Variants in ACTL6A observed in about 807,000 individuals in gnomAD.
ACTL6A encodes actin like 6A, also known as actin-like protein 6A.
Under a neutral mutation model 59.2 loss-of-function variants are expected in ACTL6A, and 5 were observed. That is an observed-to-expected ratio of 0.08 (90% CI 0.04 to 0.18). The LOEUF is 0.18. Among genes scored for constraint, ACTL6A ranks in the 10% least tolerant of loss-of-function variants. ACTL6A has a pLI of 1.00. For synonymous variants in ACTL6A, 154 were observed against 171.8 expected (o/e 0.90, Z 0.81); for missense variants, 285 against 526.9 (o/e 0.54, Z 4.49).
Position 179,576,199 on chromosome 3 carries a change from C to T in ACTL6A, c.477-18C>T. ...TTAGCGGCCTTGATACTTTCTTTTC[C>T]TTAATGTTTTAAACTAGATTTGCTA... On this transcript the variant is annotated intron_variant, in intron 5 of 13. Transcript: ENST00000429709. 1 of 1,596,714 alleles carries T rather than the reference C, an allele frequency of 6.3e-7. No homozygotes were observed. Among genetic ancestry groups the T allele is most frequent in the Non-Finnish European group, 8.6e-7 (1 of 1,164,474 alleles).
chr3:179,573,567 T>C, intron 4 of ACTL6A, 98 bp downstream of exon 4: 1 of 786,482 alleles, frequency 1.3e-6, no homozygotes, highest in Non-Finnish European at 2.0e-6. Flanking sequence ...ACATTTTTCT[T>C]TAAAGAGGCA....
intron 12 of ACTL6A, chr3:179,583,901 T>C (rs1325496882): frequency 1.3e-5 from 2 of 152,620 alleles, no homozygotes; most frequent in African/African-American, 2.4e-5. Flanking sequence ...TATGAAAGGA[T>C]ATCTAGATGG....
Position 179,588,283 on chromosome 3 carries a change from T to C in ACTL6A, c.*273T>C, listed in dbSNP as rs1011531185. ...CTTTCAGTAAAATGCTTTCCAACTC[T>C]GTTTAGTGTATTAATTACCAGTGGA... On this transcript the variant is annotated 3_prime_UTR_variant, in exon 14 of 14. Transcript: ENST00000429709. 5.3e-5 allele frequency: 17 copies of C among 318,798 alleles called. No homozygotes were observed. Among genetic ancestry groups the C allele is most frequent in the Non-Finnish European group, 9.0e-5 (16 of 177,902 alleles). 19.7% of individuals were successfully genotyped at this position (318,798 alleles called of 1,614,324 possible). A position where few individuals can be genotyped will look rare whatever the true frequency, so the allele number is the denominator to read the frequency against.
chr3:179,586,526 T>C lies in ACTL6A; in HGVS notation c.1123-20T>C, dbSNP rs1049406614. 2.0e-6 allele frequency: 3 copies of C among 1,485,350 alleles called. No homozygotes were observed. The highest frequency in any genetic ancestry group is 2.3e-5 in the Admixed American group (1 of 43,130). 92.0% of individuals were successfully genotyped at this position (1,485,350 alleles called of 1,614,324 possible). The stretch of plus-strand genomic sequence containing the variant: ...GAGTCACAAGATTTGATTGTACTAA[T>C]GCATATTCTTCTATTTCAGAGTATG... On this transcript the variant is annotated intron_variant, in intron 12 of 13. Coordinates refer to ENST00000429709, the MANE Select transcript of ACTL6A (RefSeq NM_004301.5).
intron 1 of ACTL6A, among the ~76,000 whole-genome samples, chr3:179,568,522 ATTTTC>A (rs752151487): frequency 1.3e-4 from 17 of 135,136 alleles, no homozygotes; most frequent in Admixed American, 9.6e-4. Context: ...CCCCATGCAT[ATTTTC>A]TTTTTTTTTT....
At chr3:179,583,330 T>C (rs760795267) in intron 11 of ACTL6A, 23 bp from the exon 12 acceptor site, 1 of 1,569,748 alleles carries the variant, frequency 6.4e-7, no homozygotes, top group Non-Finnish European at 8.7e-7. Context: ...AACTAATTGA[T>C]TTTTCTTGTA....
chr3:179,584,655 C>T (rs760194649), intron 12 of ACTL6A, among the ~76,000 whole-genome samples: 6 of 151,432 alleles, frequency 4.0e-5, no homozygotes, highest in African/African-American at 4.9e-5. Flanking sequence ...CACGGTGGCA[C>T]GTGCCTGTAA....
chr3:179,579,487 CACAT>C (rs1358206149), intron 8 of ACTL6A, among the ~76,000 whole-genome samples: 8 of 151,666 alleles, frequency 5.3e-5, no homozygotes, highest in African/African-American at 1.9e-4. Context: ...CACACACACA[CACAT>C]TTTAAAGACA....
intron 8 of ACTL6A, among the ~76,000 whole-genome samples, chr3:179,578,890 T>G (rs904455435): frequency 2.0e-5 from 3 of 152,084 alleles, no homozygotes; most frequent in African/African-American, 7.2e-5. Context: ...CTCAGCCTCC[T>G]GAGTAGCTGG....
chr3:179,575,353 C>T (rs1238192937), intron 5 of ACTL6A: 1 of 456,298 alleles, frequency 2.2e-6, no homozygotes, highest in Non-Finnish European at 4.4e-6. Flanking sequence ...ATAGGTTTCC[C>T]TTTTACATCA....
At chr3:179,571,116 G>A (rs186345424) in intron 3 of ACTL6A, among the ~76,000 whole-genome samples, 5 of 152,120 alleles carry the variant, frequency 3.3e-5, no homozygotes, top group East Asian at 3.9e-4. Flanking sequence ...CAAGTGTTAC[G>A]GTTTTAAAAG....
intron 7 of ACTL6A, 29 bp downstream of exon 7, chr3:179,576,755 AACTT>A (rs1211138605): frequency 2.5e-6 from 4 of 1,608,154 alleles, no homozygotes; most frequent in African/African-American, 2.7e-5. Flanking sequence ...TTCTTTGTAG[AACTT>A]ACTTCTAGCT....
chr3:179,571,420 CAAAAAAAAAAACA>C (rs199924842), intron 3 of ACTL6A, among the ~76,000 whole-genome samples: 65,202 of 120,848 alleles, frequency 0.54, 16,158 homozygotes, highest in East Asian at 0.69. Flanking sequence ...GACTCTGTCT[CAAAAAAAAAAACA>C]AAAAAAAAAA....
At chr3:179,563,211 C>A in intron 1 of ACTL6A, 94 bp downstream of exon 1, 2 of 1,477,722 alleles carry the variant, frequency 1.4e-6, no homozygotes, top group South Asian at 2.5e-5. Context: ...GCGTTCCCTT[C>A]CGGTCTCCCC....
chr3:179,580,536 C>T (rs554316160), intron 8 of ACTL6A, 104 bp from the exon 9 acceptor site: 1 of 785,226 alleles, frequency 1.3e-6, no homozygotes, highest in Admixed American at 3.3e-5. Context: ...CATCTAGAAA[C>T]ATGGTCCAAT....
chr3:179,573,072 C>G (rs1271542057), intron 3 of ACTL6A, among the ~76,000 whole-genome samples: 1 of 149,744 alleles, frequency 6.7e-6, no homozygotes, highest in African/African-American at 2.5e-5. Context: ...TGATCACATT[C>G]TGGGCCTCTA....
At chr3:179,580,208 T>C (rs1369649787) in intron 8 of ACTL6A, among the ~76,000 whole-genome samples, 1 of 152,250 alleles carries the variant, frequency 6.6e-6, no homozygotes, top group Non-Finnish European at 1.5e-5. Flanking sequence ...TTCACAACAT[T>C]TTATTAAACT....
chr3:179,569,931 G>T (rs1360398374), intron 2 of ACTL6A, 31 bp downstream of exon 2: 10 of 1,598,096 alleles, frequency 6.3e-6, no homozygotes, highest in Non-Finnish European at 7.7e-6. Context: ...AATTGGATAT[G>T]TAAAGCCATT....
intron 3 of ACTL6A, among the ~76,000 whole-genome samples, chr3:179,571,525 G>A (rs1237236637): frequency 6.6e-6 from 1 of 152,100 alleles, no homozygotes; most frequent in East Asian, 1.9e-4. Flanking sequence ...TCAGCATATG[G>A]TTGTATTCAC....
Sources: allele counts gnomAD v4.1 joint callset (sites outside exome capture counted in the v4.1 genomes callset), GRCh38; gene constraint gnomAD v4.1.1; transcripts MANE v1.5; gene names NCBI Gene and HGNC (gene_info 2026-07-23, HGNC 2026-07-21).